IL1RAPL1: variants seen among roughly 807,000 people sequenced by gnomAD.
IL1RAPL1 encodes the protein interleukin-1 receptor accessory protein-like 1.
A neutral mutation model predicts 48.4 loss-of-function variants in IL1RAPL1; 3 were observed. The ratio of observed to expected loss-of-function variants is 0.06; its 90% confidence interval spans 0.03 to 0.16. The LOEUF (loss-of-function observed/expected upper bound fraction) is 0.16, where lower values mean the gene tolerates loss of function less well. Ranked by LOEUF, IL1RAPL1 falls within the 10% of genes least tolerant of loss-of-function variation. The pLI is 1.00. For synonymous variants in IL1RAPL1, 185 were observed against 187.7 expected, an observed-to-expected ratio of 0.99 and a Z score of 0.12; for missense variants, 349 against 530.6, an observed-to-expected ratio of 0.66 and a Z score of 3.36.
intron 2 of IL1RAPL1, among the ~76,000 whole-genome samples, chrX:29,049,922 C>T (rs1420060868): frequency 2.7e-5 from 3 of 111,792 alleles, no homozygotes; most frequent in Non-Finnish European, 5.6e-5. Flanking sequence ...AACTAAACTC[C>T]AGACTTCATT....
At chrX:28,946,984 C>A (rs1267648060) in intron 2 of IL1RAPL1, among the ~76,000 whole-genome samples, 1 of 111,908 alleles carries the variant, frequency 8.9e-6, no homozygotes, top group Non-Finnish European at 1.9e-5. Flanking sequence ...TGCTAATAAG[C>A]ACTCACAGTC....
chrX:28,779,634 GTATA>G (rs1183080798), intron 1 of IL1RAPL1, among the ~76,000 whole-genome samples: 1,572 of 38,141 alleles, frequency 0.041, 17 homozygotes, highest in Non-Finnish European at 0.05. Flanking sequence ...GTGTGTGTGT[GTATA>G]TATATATATA....
intron 1 of IL1RAPL1, among the ~76,000 whole-genome samples, chrX:28,611,108 AT>A (rs761359449): frequency 8.1e-5 from 9 of 111,779 alleles, no homozygotes; most frequent in Non-Finnish European, 1.3e-4. Flanking sequence ...GCTCATTTAG[AT>A]TCTTTGTGGA....
intron 5 of IL1RAPL1, among the ~76,000 whole-genome samples, chrX:29,431,670 C>T (rs1230870190): frequency 9.0e-6 from 1 of 111,580 alleles, no homozygotes; most frequent in African/African-American, 3.3e-5. Flanking sequence ...TAAAGATTCT[C>T]AAAACCTCTG....
Position 29,948,592 on chromosome X carries a change from GACTT to G in IL1RAPL1, c.1202-5925_1202-5922del, listed in dbSNP as rs1281367500. Among the ~76,000 whole-genome samples, 7 of 111,170 alleles carry G rather than the reference GACTT, an allele frequency of 6.3e-5. No individual in the cohort carries two copies. In the East Asian group the frequency reaches 1.1e-3, roughly 18 times the overall value. On this transcript the variant is annotated intron_variant, in intron 9 of 10. Coordinates refer to ENST00000378993, the MANE Select transcript of IL1RAPL1 (RefSeq NM_014271.4). ...AAATCTGAGACATAAGAAGAAATGT[GACTT>G]ACTTTTTGAAAACTATAATTTATTC...
At position 29,118,047 on chromosome X, in the gene IL1RAPL1, C is replaced by T. The variant is rs151240807; in HGVS notation, c.83-164891C>T. Among the ~76,000 whole-genome samples the T allele has an allele frequency of 2.3e-3, 259 of 111,871 alleles. 1 individual carries two copies. Among genetic ancestry groups the T allele is most frequent in the African/African-American group, 7.5e-3 (231 of 30,907 alleles). On this transcript the variant is annotated intron_variant, in intron 2 of 10. Transcript: ENST00000378993. ...CAACAATGCAAGGTGGGCTCTTATG[C>T]CAAGATGTGTTCGGTTTTTCAAATT...
intron 6 of IL1RAPL1, among the ~76,000 whole-genome samples, chrX:29,696,786 C>T (rs756571973): frequency 2.7e-4 from 30 of 110,042 alleles, no homozygotes; most frequent in African/African-American, 9.6e-4. Flanking sequence ...TAATAACAAT[C>T]GCCTTTTTTT....
intron 2 of IL1RAPL1, among the ~76,000 whole-genome samples, chrX:28,805,776 ATC>A (rs1248117164): frequency 7.2e-5 from 8 of 111,092 alleles, no homozygotes; most frequent in South Asian, 3.7e-4. Context: ...TTTTAAAAAT[ATC>A]TGTTTTATTT....
At chrX:28,839,314 C>G (rs1921304997) in intron 2 of IL1RAPL1, among the ~76,000 whole-genome samples, 1 of 110,349 alleles carries the variant, frequency 9.1e-6, no homozygotes, top group Non-Finnish European at 1.9e-5. Flanking sequence ...TTACTGTATC[C>G]TAAGCAAAAT....
chrX:29,046,516 C>A (rs1430715613), intron 2 of IL1RAPL1, among the ~76,000 whole-genome samples: 1 of 111,984 alleles, frequency 8.9e-6, no homozygotes, highest in Non-Finnish European at 1.9e-5. Context: ...CAATGAATCA[C>A]TCTATTTTCT....
At chrX:29,467,550 G>T (rs1009832990) in intron 5 of IL1RAPL1, among the ~76,000 whole-genome samples, 3 of 112,501 alleles carry the variant, frequency 2.7e-5, no homozygotes, top group African/African-American at 9.7e-5. Flanking sequence ...GAGAGCCAGG[G>T]CCAAGTGCCT....
chrX:29,180,565 C>T (rs774924124), intron 2 of IL1RAPL1, among the ~76,000 whole-genome samples: 3 of 110,029 alleles, frequency 2.7e-5, no homozygotes, highest in South Asian at 4.0e-4. Flanking sequence ...TTAGTAGAGA[C>T]GGGGTTTCAC....
intron 2 of IL1RAPL1, among the ~76,000 whole-genome samples, chrX:29,027,742 G>A (rs1179712523): frequency 9.0e-6 from 1 of 111,507 alleles, no homozygotes; most frequent in Non-Finnish European, 1.9e-5. Flanking sequence ...TAATAGTTGT[G>A]TAGTGCTATC....
At chrX:29,366,998 G>GT (rs1933470877) in intron 3 of IL1RAPL1, among the ~76,000 whole-genome samples, 1 of 110,734 alleles carries the variant, frequency 9.0e-6, no homozygotes, top group Non-Finnish European at 1.9e-5. Flanking sequence ...ATTTATTCAA[G>GT]TTTTTTTTAG....
chrX:29,557,591 G>A (rs1922045713), intron 5 of IL1RAPL1, among the ~76,000 whole-genome samples: 1 of 111,051 alleles, frequency 9.0e-6, no homozygotes, highest in African/African-American at 3.3e-5. Flanking sequence ...ATTAACTATA[G>A]TTACTAGCTG....
intron 6 of IL1RAPL1, among the ~76,000 whole-genome samples, chrX:29,670,923 G>A (rs961992228): frequency 1.8e-5 from 2 of 111,818 alleles, no homozygotes; most frequent in African/African-American, 6.5e-5. Flanking sequence ...TACGGTCCAA[G>A]TATTCAGAGG....
rs758876321 is a variant in IL1RAPL1, at chrX:28,875,181, ATTGGCTTTAT to A, written c.82+85759_82+85768del. On this transcript the variant is annotated intron_variant, in intron 2 of 10. Coordinates refer to ENST00000378993, the MANE Select transcript of IL1RAPL1 (RefSeq NM_014271.4). ...TGTAATATATGGATAGAAAGAGCACATTGGCTTTATTTAACTCATGATTAGGCATACATGA... is the reference window on the plus strand; with the variant it reads ...TGTAATATATGGATAGAAAGAGCACATTAACTCATGATTAGGCATACATGA... Among the ~76,000 whole-genome samples, 3 of 112,319 alleles carry A rather than the reference ATTGGCTTTAT, an allele frequency of 2.7e-5. No individual in the cohort carries two copies. The South Asian group carries it at 1.1e-3, about 42-fold the overall frequency.
intron 5 of IL1RAPL1, among the ~76,000 whole-genome samples, chrX:29,632,690 G>A (rs1328351861): frequency 8.9e-6 from 1 of 111,797 alleles, no homozygotes; most frequent in Non-Finnish European, 1.9e-5. Flanking sequence ...CTCACGGTCA[G>A]TCACTTCAGC....
At chrX:29,022,132 C>CT (rs1173686135) in intron 2 of IL1RAPL1, among the ~76,000 whole-genome samples, 1 of 111,348 alleles carries the variant, frequency 9.0e-6, no homozygotes, top group Non-Finnish European at 1.9e-5. Flanking sequence ...TTCATTCTCC[C>CT]TCTCTTCCAA....
Sources: allele counts gnomAD v4.1 joint callset (sites outside exome capture counted in the v4.1 genomes callset), GRCh38; gene constraint gnomAD v4.1.1; transcripts MANE v1.5; gene names NCBI Gene and HGNC (gene_info 2026-07-23, HGNC 2026-07-21).